GALNTL6: variants seen among roughly 807,000 people sequenced by gnomAD.
The protein encoded by GALNTL6 is polypeptide N-acetylgalactosaminyltransferase-like 6.
GALNTL6 carries 46 observed loss-of-function variants against 73.7 expected under a neutral mutation model. The ratio of observed to expected loss-of-function variants is 0.62; its 90% CI spans 0.49 to 0.80. GALNTL6 has a LOEUF of 0.80. Ranked by LOEUF, GALNTL6 falls within the 30% of genes least tolerant of loss-of-function variation. The pLI, the probability that GALNTL6 is intolerant of heterozygous loss-of-function variation, is 0.00. For missense variants in GALNTL6, 604 were observed against 755.0 expected (o/e 0.80, Z 2.34); for synonymous variants, 259 against 263.7 (o/e 0.98, Z 0.17).
chr4:172,042,539 C>T (rs1235601884), intron 2 of GALNTL6, among the ~76,000 whole-genome samples: 1 of 151,924 alleles, frequency 6.6e-6, no homozygotes, highest in Non-Finnish European at 1.5e-5. Context: ...ACAAGCTGCT[C>T]CCTTTTCTGT....
chr4:172,146,368 A>T (rs1299540272), intron 2 of GALNTL6, among the ~76,000 whole-genome samples: 1 of 152,220 alleles, frequency 6.6e-6, no homozygotes, highest in Non-Finnish European at 1.5e-5. Context: ...AAGGCAAAAG[A>T]AAAGAAATAT....
At chr4:173,027,961 C>A (rs1473385299) in intron 12 of GALNTL6, among the ~76,000 whole-genome samples, 1 of 152,054 alleles carries the variant, frequency 6.6e-6, no homozygotes, top group Non-Finnish European at 1.5e-5. Context: ...AGGAATAAAT[C>A]ACGGCAAAGA....
chr4:172,401,896 G>A (rs1164665521), intron 5 of GALNTL6, among the ~76,000 whole-genome samples: 1 of 146,318 alleles, frequency 6.8e-6, no homozygotes, highest in Non-Finnish European at 1.5e-5. Flanking sequence ...GGCTTCTGGA[G>A]GAGGAAGAGA....
intron 3 of GALNTL6, among the ~76,000 whole-genome samples, chr4:172,298,035 T>G (rs1739749887): frequency 6.6e-6 from 1 of 152,150 alleles, no homozygotes; most frequent in Non-Finnish European, 1.5e-5. Context: ...CATTGAGCAG[T>G]GGGTTTGTAG....
At chr4:172,487,300 G>GTCTTTCTTTCTT (rs1212706952) in intron 5 of GALNTL6, among the ~76,000 whole-genome samples, 61 of 118,724 alleles carry the variant, frequency 5.1e-4, no homozygotes, top group African/African-American at 1.5e-3. Context: ...CTTTCCTTCT[G>GTCTTTCTTTCTT]TCTTTCTTTC....
chr4:172,120,301 G>A (rs1160804237), intron 2 of GALNTL6, among the ~76,000 whole-genome samples: 2 of 152,108 alleles, frequency 1.3e-5, no homozygotes, highest in Non-Finnish European at 2.9e-5. Flanking sequence ...GGGGTCAGAA[G>A]TTTAAAATGA....
intron 8 of GALNTL6, among the ~76,000 whole-genome samples, chr4:172,924,239 C>A (rs1747933980): frequency 6.6e-6 from 1 of 152,152 alleles, no homozygotes; most frequent in Admixed American, 6.5e-5. Context: ...AAACTCTCTG[C>A]TCCCTCTTTC....
At chr4:171,857,297 C>A (rs1735718926) in intron 2 of GALNTL6, among the ~76,000 whole-genome samples, 1 of 152,054 alleles carries the variant, frequency 6.6e-6, no homozygotes, top group Admixed American at 6.5e-5. Context: ...CCAAATTCCT[C>A]TGTGGAATAT....
At chr4:171,985,683 C>G (rs1199782885) in intron 2 of GALNTL6, among the ~76,000 whole-genome samples, 1 of 151,518 alleles carries the variant, frequency 6.6e-6, no homozygotes, top group African/African-American at 2.4e-5. Context: ...ATATAAAAAG[C>G]CTTTTAAAAA....
intron 5 of GALNTL6, among the ~76,000 whole-genome samples, chr4:172,409,335 C>A (rs1472709080): frequency 6.6e-6 from 1 of 151,752 alleles, no homozygotes; most frequent in African/African-American, 2.4e-5. Flanking sequence ...TTTAGGGACC[C>A]CATTATCAAT....
At chr4:171,997,389 G>A (rs1200866469) in intron 2 of GALNTL6, among the ~76,000 whole-genome samples, 1 of 152,016 alleles carries the variant, frequency 6.6e-6, no homozygotes. Flanking sequence ...ATGGGGTTAT[G>A]TCCTGATAAA....
rs184116483 is a variant in GALNTL6, at chr4:172,207,997, G to C, written c.139-21659G>C. 2.1e-3 allele frequency among the ~76,000 whole-genome samples: 317 copies of C among 152,296 alleles called. 3 individuals are homozygous for C. The highest frequency in any genetic ancestry group is 3.6e-3 in the Non-Finnish European group (245 of 68,018). On this transcript the variant is annotated intron_variant, in intron 2 of 12. Coordinates refer to ENST00000506823, the MANE Select transcript of GALNTL6 (RefSeq NM_001034845.3). ...TCTTAAAGGGACAATCACTGTTTAA[G>C]TCAATGAAAGAAGACGGAGTGAGGA...
intron 5 of GALNTL6, among the ~76,000 whole-genome samples, chr4:172,368,401 A>C (rs574134526): frequency 3.7e-4 from 56 of 152,308 alleles, no homozygotes; most frequent in East Asian, 5.8e-4. Context: ...ACAACAACAA[A>C]AAAAAACAAA....
At chr4:172,550,500 G>A (rs947781356) in intron 5 of GALNTL6, among the ~76,000 whole-genome samples, 1 of 152,194 alleles carries the variant, frequency 6.6e-6, no homozygotes, top group African/African-American at 2.4e-5. Flanking sequence ...ATGTTGCTTG[G>A]GTTGTCAGTC....
chr4:172,043,608 A>G (rs529566505), intron 2 of GALNTL6, among the ~76,000 whole-genome samples: 4 of 152,240 alleles, frequency 2.6e-5, no homozygotes, highest in African/African-American at 9.6e-5. Context: ...TACGGGTTAC[A>G]AATGTTAAAT....
intron 8 of GALNTL6, among the ~76,000 whole-genome samples, chr4:172,921,682 C>T (rs1046837904): frequency 1.3e-5 from 2 of 151,090 alleles, no homozygotes; most frequent in Admixed American, 6.6e-5. Flanking sequence ...ATAATCCCAG[C>T]TATTTGGGAG....
At chr4:172,167,035 T>C (rs1317153267) in intron 2 of GALNTL6, among the ~76,000 whole-genome samples, 2 of 152,172 alleles carry the variant, frequency 1.3e-5, no homozygotes, top group African/African-American at 4.8e-5. Context: ...AGATATTCTA[T>C]CTCGTTGTAC....
At chr4:172,112,837 AACCATAAGATGTT>A (rs1732891062) in intron 2 of GALNTL6, among the ~76,000 whole-genome samples, 1 of 151,920 alleles carries the variant, frequency 6.6e-6, no homozygotes, top group African/African-American at 2.4e-5. Flanking sequence ...TTACCCTTTT[AACCATAAGATGTT>A]ATAGCCAAAA....
chr4:172,692,952 C>A (rs1325579824), intron 5 of GALNTL6, among the ~76,000 whole-genome samples: 2 of 152,120 alleles, frequency 1.3e-5, no homozygotes, highest in Admixed American at 6.6e-5. Flanking sequence ...TCTAGCCAAC[C>A]AGTCTGTGTA....
Sources: gnomAD v4.1 joint callset for allele counts (sites outside exome capture counted in the v4.1 genomes callset) on GRCh38, gnomAD v4.1.1 for gene constraint, MANE v1.5 for transcripts, NCBI Gene and HGNC (gene_info 2026-07-23, HGNC 2026-07-21) for gene names.